CD8B: variants seen among roughly 807,000 people sequenced by gnomAD.
CD8B encodes the protein CD8 subunit beta.
A neutral mutation model predicts 24.2 loss-of-function variants in CD8B; 6 were observed. The observed-to-expected ratio is 0.25, with a 90% confidence interval of 0.14 to 0.49. The LOEUF (loss-of-function observed/expected upper bound fraction) is 0.49. Among genes scored for constraint, CD8B ranks in the 20% least tolerant of loss-of-function variants. The pLI is 0.98. For synonymous variants in CD8B, 84 were observed against 108.3 expected (o/e 0.78, Z 1.39); for missense variants, 196 against 271.3 (o/e 0.72, Z 1.95).
intron 5 of CD8B, among the ~76,000 whole-genome samples, chr2:86,821,141 C>CTTT (rs200332790): frequency 7.5e-6 from 1 of 133,590 alleles, no homozygotes; most frequent in Admixed American, 7.4e-5. Context: ...ATCAACTTTA[C>CTTT]TTTTTTTTTT....
chr2:86,843,334 G>A (rs912425983), intron 5 of CD8B: 36 of 239,608 alleles, frequency 1.5e-4, no homozygotes, highest in East Asian at 1.8e-4. Flanking sequence ...GACCTCAGGC[G>A]ATCTACCTGC....
At chr2:86,831,518 G>A (rs1212566267) in intron 5 of CD8B, among the ~76,000 whole-genome samples, 1 of 152,214 alleles carries the variant, frequency 6.6e-6, no homozygotes, top group Admixed American at 6.5e-5. Context: ...AATCCCATGA[G>A]GAGAGAGAAA....
At chr2:86,855,470 A>G (rs969262947) in intron 2 of CD8B, among the ~76,000 whole-genome samples, 13 of 152,210 alleles carry the variant, frequency 8.5e-5, no homozygotes, top group African/African-American at 2.4e-4. Flanking sequence ...GTCCAAAGTT[A>G]GACAGCCACT....
chr2:86,846,885 T>A lies in CD8B; in HGVS notation c.494-112A>T, dbSNP rs1675706574. ...ACTGGAAGCCCCACCTCCCAGAGAA[T>A]ACCACCATTTGTATTTCGATGTAAT... is the stretch of plus-strand genomic sequence containing the variant. On this transcript the variant is annotated intron_variant, in intron 3 of 5. Coordinates refer to ENST00000390655, the MANE Select transcript of CD8B (RefSeq NM_004931.5). The A allele has an allele frequency of 1.4e-5, 8 of 562,644 alleles. No individual in the cohort carries two copies. In the Admixed American group the frequency reaches 2.4e-4, roughly 17 times the overall value. 34.9% of individuals were successfully genotyped at this position (562,644 alleles called of 1,614,324 possible). A position where few individuals can be genotyped will look rare whatever the true frequency, so the allele number is the denominator to read the frequency against.
intron 2 of CD8B, among the ~76,000 whole-genome samples, chr2:86,856,437 C>T (rs1316275543): frequency 6.6e-6 from 1 of 152,196 alleles, no homozygotes; most frequent in African/African-American, 2.4e-5. Flanking sequence ...CAGTGGACCC[C>T]CACGTGAAGG....
At position 86,841,395 on chromosome 2, in the gene CD8B, G is replaced by A. The variant is rs1366852942; in HGVS notation, c.*912C>T. 1.3e-5 allele frequency among the ~76,000 whole-genome samples: 2 copies of A among 151,124 alleles called. No homozygotes were observed. The highest frequency in any genetic ancestry group is 2.9e-5 in the Non-Finnish European group (2 of 67,870). On this transcript the variant is annotated 3_prime_UTR_variant, in exon 6 of 6. Coordinates refer to ENST00000390655, the MANE Select transcript of CD8B (RefSeq NM_004931.5). ...GGGAGAGGGGCCTGAGGCACCTGCA[G>A]CCTGGCTCTGGGTGCCCTGGGCGCT...
chr2:86,821,805 A>G (rs771026393), intron 5 of CD8B: 28 of 379,098 alleles, frequency 7.4e-5, no homozygotes, highest in Non-Finnish European at 1.4e-4. Context: ...GTCCTCTCCA[A>G]AGGGAATGTT....
At chr2:86,847,185 C>G (rs929069901) in intron 3 of CD8B, among the ~76,000 whole-genome samples, 1 of 151,900 alleles carries the variant, frequency 6.6e-6, no homozygotes, top group Non-Finnish European at 1.5e-5. Context: ...AATCCGCCCA[C>G]CTTGGCCTCC....
chr2:86,847,181 C>T (rs1243154094), intron 3 of CD8B, among the ~76,000 whole-genome samples: 1 of 151,848 alleles, frequency 6.6e-6, no homozygotes, highest in Non-Finnish European at 1.5e-5. Flanking sequence ...AAGCAATCCG[C>T]CCACCTTGGC....
downstream of CD8B, among the ~76,000 whole-genome samples, chr2:86,836,885 G>A (rs1362347252): frequency 6.6e-6 from 1 of 152,188 alleles, no homozygotes; most frequent in Non-Finnish European, 1.5e-5. Flanking sequence ...GCCAGGTGCT[G>A]TGGCTCATTC....
chr2:86,854,099 G>A (rs963439244), intron 2 of CD8B, among the ~76,000 whole-genome samples: 1 of 152,176 alleles, frequency 6.6e-6, no homozygotes, highest in Admixed American at 6.5e-5. Context: ...ATTTTTCTGT[G>A]CCTTGATTTC....
chr2:86,828,306 TTGTGTGTGTG>T (rs72236144), intron 5 of CD8B, among the ~76,000 whole-genome samples: 2 of 143,430 alleles, frequency 1.4e-5, no homozygotes, highest in East Asian at 4.0e-4. Flanking sequence ...ATAACTGGAA[TTGTGTGTGTG>T]TGTGTGTGTG....
chr2:86,851,957 G>A (rs1049579985), intron 3 of CD8B, among the ~76,000 whole-genome samples: 1 of 152,158 alleles, frequency 6.6e-6, no homozygotes, highest in Non-Finnish European at 1.5e-5. Flanking sequence ...TAGGTCCTCT[G>A]TTAGGTATTA....
intron 5 of CD8B, among the ~76,000 whole-genome samples, chr2:86,842,686 G>T (rs541723121): frequency 1.3e-5 from 2 of 152,136 alleles, no homozygotes; most frequent in African/African-American, 4.8e-5. Context: ...ACCTCAAATC[G>T]CAACTCAGAT....
At chr2:86,824,237 G>A (rs1674591188) in intron 5 of CD8B, among the ~76,000 whole-genome samples, 1 of 152,084 alleles carries the variant, frequency 6.6e-6, no homozygotes. Context: ...GACCTTCTGG[G>A]CCAGGTACTG....
At chr2:86,858,446 A>T (rs777248781) in intron 1 of CD8B, 30 bp from the exon 2 acceptor site, 1 of 1,554,772 alleles carries the variant, frequency 6.4e-7, no homozygotes, top group Non-Finnish European at 8.7e-7. Context: ...GAGACATCAC[A>T]CATTTTCCTA....
chr2:86,820,395 T>C (rs1674419077), intron 5 of CD8B, among the ~76,000 whole-genome samples: 1 of 152,248 alleles, frequency 6.6e-6, no homozygotes, highest in Admixed American at 6.5e-5. Context: ...CGCCAGCCTT[T>C]GGCAACCACC....
downstream of CD8B, among the ~76,000 whole-genome samples, chr2:86,834,488 A>ACACACACACACACACACACACACACAC (rs199775749): frequency 2.1e-5 from 3 of 142,224 alleles, no homozygotes; most frequent in South Asian, 2.2e-4. Context: ...ACACACACAC[A>ACACACACACACACACACACACACACAC]AAAGTCTTAA....
chr2:86,858,445 C>T lies in CD8B; in HGVS notation c.44-29G>A, dbSNP rs771597870. 3.2e-6 allele frequency: 5 copies of T among 1,556,284 alleles called. No homozygotes were observed. The Admixed American group carries it at 9.1e-5, about 28-fold the overall frequency. ...GGAAAAGCCAAGAACAGAGACATCA[C>T]ACATTTTCCTAGCCACAGCTGTGGG... On this transcript the variant is annotated intron_variant, in intron 1 of 5. Coordinates refer to ENST00000390655, the MANE Select transcript of CD8B (RefSeq NM_004931.5).
Sources: gnomAD v4.1 joint callset for allele counts (sites outside exome capture counted in the v4.1 genomes callset) on GRCh38, gnomAD v4.1.1 for gene constraint, MANE v1.5 for transcripts, NCBI Gene and HGNC (gene_info 2026-07-23, HGNC 2026-07-21) for gene names.